Variants in ZFHX3 observed in about 807,000 individuals in gnomAD.
ZFHX3 encodes zinc finger homeobox 3.
ZFHX3 carries 42 observed loss-of-function variants against 279.1 expected under a neutral mutation model. The observed-to-expected ratio is 0.15, with a 90% CI of 0.12 to 0.19. The LOEUF (loss-of-function observed/expected upper bound fraction) is 0.19. Among genes scored for constraint, ZFHX3 ranks in the 10% least tolerant of loss-of-function variants. The pLI is 1.00. For synonymous variants in ZFHX3, 2,293 were observed against 1,957.8 expected, an observed-to-expected ratio of 1.17 and a Z score of -4.52; for missense variants, 4,981 against 4,754.0, an observed-to-expected ratio of 1.05 and a Z score of -1.40.
intron 5 of ZFHX3, among the ~76,000 whole-genome samples, chr16:73,172,761 C>G (rs542385339): frequency 6.6e-6 from 1 of 152,288 alleles, no homozygotes; most frequent in Non-Finnish European, 1.5e-5. Context: ...TTAGCTTGGA[C>G]CAGCTATAAG....
chr16:73,469,618 T>A (rs1054818462), intron 2 of ZFHX3, among the ~76,000 whole-genome samples: 1 of 148,672 alleles, frequency 6.7e-6, no homozygotes, highest in Non-Finnish European at 1.5e-5. Context: ...ACCTCCAATA[T>A]ATATATATAT....
chr16:73,132,888 G>A lies in ZFHX3; in HGVS notation c.-1023-1794C>T, dbSNP rs74518376. ...TTGGCCATCTCTCCCTCTCGTCTTCGTCAGCAAGTGTTCTTCTCCTGGTCG... is the reference window on the plus strand; with the variant it reads ...TTGGCCATCTCTCCCTCTCGTCTTCATCAGCAAGTGTTCTTCTCCTGGTCG... On this transcript the variant is annotated intron_variant, in intron 6 of 17. Coordinates refer to the ZFHX3 transcript ENST00000641206. Among the ~76,000 whole-genome samples, 1,071 of 152,270 alleles carry A rather than the reference G, an allele frequency of 7.0e-3. 21 individuals carry two copies. Among genetic ancestry groups the A allele is most frequent in the African/African-American group, 0.025 (1,025 of 41,548 alleles).
chr16:73,487,194 G>A (rs1363350077), intron 2 of ZFHX3, among the ~76,000 whole-genome samples: 4 of 152,158 alleles, frequency 2.6e-5, no homozygotes, highest in African/African-American at 4.8e-5. Context: ...GAGGATTCCC[G>A]AGTGGAGGTT....
At chr16:73,393,906 A>C (rs2017072010) in intron 3 of ZFHX3, among the ~76,000 whole-genome samples, 1 of 147,968 alleles carries the variant, frequency 6.8e-6, no homozygotes, top group African/African-American at 2.5e-5. Context: ...TATATGTGAT[A>C]TATATGAATA....
At chr16:73,548,263 T>C (rs1255569438) in intron 2 of ZFHX3, among the ~76,000 whole-genome samples, 2 of 152,356 alleles carry the variant, frequency 1.3e-5, no homozygotes, top group Middle Eastern at 3.4e-3. Context: ...CTCTAAATCC[T>C]TAAATGCCAC....
At chr16:73,809,518 T>A (rs556472719) in intron 1 of ZFHX3, 1 of 152,358 alleles carries the variant, frequency 6.6e-6, no homozygotes, top group East Asian at 1.9e-4. Context: ...TATGAGCTCC[T>A]GTCTGTTTCA....
rs1203741589 is a variant in ZFHX3, at chr16:73,047,736, G to A, written c.-50+16C>T. The A allele has an allele frequency of 4.6e-5, 7 of 152,650 alleles. No individual in the cohort carries two copies. The highest frequency in any genetic ancestry group is 1.7e-4 in the African/African-American group (7 of 41,584). 9.5% of individuals were successfully genotyped at this position (152,650 alleles called of 1,614,324 possible). A position where few individuals can be genotyped will look rare whatever the true frequency, so the allele number is the denominator to read the frequency against. On this transcript the variant is annotated intron_variant, in intron 1 of 9. Coordinates refer to ENST00000268489, the MANE Select transcript of ZFHX3 (RefSeq NM_006885.4). ...TCCAGGCCGGCTGCGCGGACCCGGA[G>A]GGAGGCTGCACTCACCTGGCACACC...
intron 1 of ZFHX3, among the ~76,000 whole-genome samples, chr16:73,795,369 T>G (rs1202965474): frequency 6.6e-6 from 1 of 152,124 alleles, no homozygotes; most frequent in Non-Finnish European, 1.5e-5. Context: ...ACAGCTGCTA[T>G]CACCATGTTC....
At chr16:72,873,165 T>G (rs548694002) in intron 4 of ZFHX3, among the ~76,000 whole-genome samples, 13 of 152,354 alleles carry the variant, frequency 8.5e-5, no homozygotes, top group African/African-American at 3.1e-4. Context: ...TTTCACATCC[T>G]TCCAAAAGAT....
intron 1 of ZFHX3, among the ~76,000 whole-genome samples, chr16:73,830,730 G>A (rs1333380655): frequency 2.0e-5 from 3 of 152,216 alleles, no homozygotes; most frequent in Non-Finnish European, 4.4e-5. Context: ...AGCAGTATAT[G>A]AAAAATAAAT....
intron 1 of ZFHX3, among the ~76,000 whole-genome samples, chr16:73,839,543 C>T (rs544904204): frequency 6.6e-6 from 1 of 152,082 alleles, no homozygotes; most frequent in South Asian, 2.1e-4. Flanking sequence ...CTTAGAAAAA[C>T]ATCAGTTCAA....
At chr16:73,080,458 A>G (rs2144765001) in intron 8 of ZFHX3, among the ~76,000 whole-genome samples, 1 of 152,354 alleles carries the variant, frequency 6.6e-6, no homozygotes, top group East Asian at 1.9e-4. Context: ...TAGCAGTCTG[A>G]GCTATCTAAG....
At position 72,787,470 on chromosome 16, in the gene ZFHX3, G is replaced by A. The variant is rs1383808652; in HGVS notation, c.10806C>T (p.Ala3602=). The A allele has an allele frequency of 1.0e-5, 16 of 1,600,922 alleles. No homozygotes were observed. Among genetic ancestry groups the A allele is most frequent in the African/African-American group, 1.3e-5 (1 of 74,280 alleles). ...HSNDSPPPPS[A]AAPSSASPHA... Reference sequence around the variant, plus strand: ...GGGGGGAAGCGGAGGAGGGGGCGGCGGCCGACGGGGGAGGGGGGCTGTCGT... The same window carrying A: ...GGGGGGAAGCGGAGGAGGGGGCGGCAGCCGACGGGGGAGGGGGGCTGTCGT... The change falls in exon 10 of 10, where the codon GCC becomes GCT. Residue 3602 remains alanine, a synonymous_variant. Transcript: ENST00000268489.
At chr16:73,322,209 G>C (rs1346968726) in intron 3 of ZFHX3, among the ~76,000 whole-genome samples, 2 of 152,178 alleles carry the variant, frequency 1.3e-5, no homozygotes, top group African/African-American at 4.8e-5. Flanking sequence ...TGGGGGCGTG[G>C]GGGAGCCCAG....
At chr16:73,863,304 A>G (rs1255642641) in intron 1 of ZFHX3, among the ~76,000 whole-genome samples, 1 of 152,206 alleles carries the variant, frequency 6.6e-6, no homozygotes, top group Non-Finnish European at 1.5e-5. Flanking sequence ...GGCAATGGGC[A>G]TAAAGAGTAG....
rs116573938 is a variant in ZFHX3, at chr16:73,407,025, A to C, written c.-1291+48978T>G. ...CAAGGGTGGCTGATTCTGTAGCAGCAGTTCTCAAAAGAAAGGGTGATTTTT... is the reference window on the plus strand; with the variant it reads ...CAAGGGTGGCTGATTCTGTAGCAGCCGTTCTCAAAAGAAAGGGTGATTTTT... On this transcript the variant is annotated intron_variant, in intron 3 of 17. Transcript: ENST00000641206. Among the ~76,000 whole-genome samples the C allele has an allele frequency of 5.7e-3, 855 of 150,418 alleles. 3 individuals are homozygous for C. Among genetic ancestry groups the C allele is most frequent in the African/African-American group, 0.02 (798 of 40,460 alleles).
chr16:72,879,040 C>T (rs2038392351), intron 4 of ZFHX3, among the ~76,000 whole-genome samples: 1 of 152,154 alleles, frequency 6.6e-6, no homozygotes, highest in African/African-American at 2.4e-5. Context: ...ACATCACAGG[C>T]TCAATCTGGG....
At chr16:72,957,337 A>T in intron 2 of ZFHX3, 90 bp downstream of exon 2, 1 of 1,458,234 alleles carries the variant, frequency 6.9e-7, no homozygotes, top group Non-Finnish European at 9.2e-7. Flanking sequence ...ACCAGAGTCA[A>T]CTGAATCCAC....
chr16:73,817,728 C>T (rs980736134), intron 1 of ZFHX3, among the ~76,000 whole-genome samples: 1 of 152,192 alleles, frequency 6.6e-6, no homozygotes, highest in Non-Finnish European at 1.5e-5. Flanking sequence ...GGACATTGTT[C>T]TGGGAACCCT....
Sources: gnomAD v4.1 joint callset for allele counts (sites outside exome capture counted in the v4.1 genomes callset) on GRCh38, gnomAD v4.1.1 for gene constraint, MANE v1.5 for transcripts, NCBI Gene and HGNC (gene_info 2026-07-23, HGNC 2026-07-21) for gene names.